GNAL: variants seen among roughly 807,000 people sequenced by gnomAD.
GNAL encodes guanine nucleotide-binding protein G(olf) subunit alpha.
In GNAL, 18 loss-of-function variants were observed where a neutral mutation model predicts 55.1. That is an observed-to-expected ratio of 0.33 (90% CI 0.23 to 0.48). GNAL has a LOEUF of 0.48. Among genes scored for constraint, GNAL ranks in the 20% least tolerant of loss-of-function variants. The probability of loss-of-function intolerance (pLI) is 0.99; values close to 1 mark genes in which losing one functional copy is unlikely to be tolerated. For synonymous variants in GNAL, 253 were observed against 237.0 expected, an observed-to-expected ratio of 1.07 and a Z score of -0.62; for missense variants, 412 against 614.1, an observed-to-expected ratio of 0.67 and a Z score of 3.48.
At chr18:11,805,893 G>C (rs1217975458) in intron 4 of GNAL, among the ~76,000 whole-genome samples, 1 of 152,160 alleles carries the variant, frequency 6.6e-6, no homozygotes, top group African/African-American at 2.4e-5. Flanking sequence ...TAGAATGGTA[G>C]TTCTATTTTT....
chr18:11,860,379 G>C (rs1015384722), intron 5 of GNAL, among the ~76,000 whole-genome samples: 8 of 152,190 alleles, frequency 5.3e-5, no homozygotes, highest in African/African-American at 1.7e-4. Context: ...AGATGTCCAA[G>C]GAAATTATGT....
At chr18:11,879,103 AATAAAAT>A (rs1347670144) in intron 11 of GNAL, among the ~76,000 whole-genome samples, 4 of 9,242 alleles carry the variant, frequency 4.3e-4, no homozygotes. Flanking sequence ...CTTACAGTAT[AATAAAAT>A]ATATATATAT....
At chr18:11,796,577 A>C (rs76706143) in intron 4 of GNAL, among the ~76,000 whole-genome samples, 5 of 143,714 alleles carry the variant, frequency 3.5e-5, no homozygotes, top group Admixed American at 3.4e-4. Context: ...CCTTCTCACA[A>C]AAAAAAAAAA....
At chr18:11,851,413 C>G in intron 5 of GNAL, 2 of 1,388,750 alleles carry the variant, frequency 1.4e-6, no homozygotes, top group Non-Finnish European at 1.9e-6. Flanking sequence ...GAAGTGGGAC[C>G]AAAACAAAGG....
At chr18:11,831,510 T>C (rs1386031980) in intron 5 of GNAL, among the ~76,000 whole-genome samples, 1 of 152,172 alleles carries the variant, frequency 6.6e-6, no homozygotes, top group African/African-American at 2.4e-5. Flanking sequence ...TGTGTTGTGC[T>C]GCTTGGCATG....
At position 11,881,349 on chromosome 18, in the gene GNAL, A is replaced by ATCT; in HGVS notation, c.*214_*215insTCT. The ATCT allele has an allele frequency of 2.2e-6, 1 of 446,512 alleles. No individual in the cohort carries two copies. Among genetic ancestry groups the ATCT allele is most frequent in the South Asian group, 4.6e-5 (1 of 21,892 alleles). 27.7% of individuals were successfully genotyped at this position (446,512 alleles called of 1,614,324 possible). On this transcript the variant is annotated 3_prime_UTR_variant, in exon 12 of 12. Coordinates refer to ENST00000334049, the MANE Select transcript of GNAL (RefSeq NM_182978.4). The surrounding 1 kb of genome is among the most constrained non-coding windows in gnomAD (Gnocchi z 4.8). ...CGGCCTCCCGCAGCATCCCACCCCC[A>ATCT]AACCACCGACTCTCATTGCCGACAC...
At chr18:11,742,753 C>A (rs769512212) in intron 1 of GNAL, among the ~76,000 whole-genome samples, 2 of 152,212 alleles carry the variant, frequency 1.3e-5, no homozygotes. Flanking sequence ...ACACCGGCCT[C>A]GGATGCCGCT....
At chr18:11,832,199 T>C (rs967025753) in intron 5 of GNAL, among the ~76,000 whole-genome samples, 1 of 152,232 alleles carries the variant, frequency 6.6e-6, no homozygotes, top group African/African-American at 2.4e-5. Flanking sequence ...AATCGGACTT[T>C]GCTTAATGGA....
At chr18:11,825,290 G>T (rs1017316155) in intron 5 of GNAL, among the ~76,000 whole-genome samples, 1 of 152,168 alleles carries the variant, frequency 6.6e-6, no homozygotes. Flanking sequence ...AGAGCTATAT[G>T]CATATTGGTA....
rs184672036 is a variant in GNAL, at chr18:11,775,211, T to C, written c.624+21266T>C. Among the ~76,000 whole-genome samples, 378 of 152,346 alleles carry C rather than the reference T, an allele frequency of 2.5e-3. 2 individuals carry two copies. The highest frequency in any genetic ancestry group is 3.9e-3 in the Non-Finnish European group (263 of 68,034). On this transcript the variant is annotated intron_variant, in intron 4 of 11. Coordinates refer to ENST00000334049, the MANE Select transcript of GNAL (RefSeq NM_182978.4). ...GGGGGGCCCTGATGAAAGCACTGTG[T>C]TCTGGCGAACTGAGAACCAACTGTG...
chr18:11,720,418 C>A (rs2032067936), intron 1 of GNAL, among the ~76,000 whole-genome samples: 1 of 152,148 alleles, frequency 6.6e-6, no homozygotes, highest in Non-Finnish European at 1.5e-5. Context: ...GTAAGTGCTC[C>A]CATTATCAAA....
intron 4 of GNAL, among the ~76,000 whole-genome samples, chr18:11,814,539 G>T (rs2034902684): frequency 6.6e-6 from 1 of 150,660 alleles, no homozygotes; most frequent in Admixed American, 6.6e-5. Flanking sequence ...GAAAAGAAAA[G>T]AAAAAGAAAA....
At chr18:11,792,279 G>A (rs563584745) in intron 4 of GNAL, among the ~76,000 whole-genome samples, 27 of 151,966 alleles carry the variant, frequency 1.8e-4, no homozygotes, top group African/African-American at 4.8e-4. Flanking sequence ...TCTACCTCCC[G>A]AGTTCAAGCA....
At chr18:11,735,549 G>C (rs538505514) in intron 1 of GNAL, among the ~76,000 whole-genome samples, 113 of 152,026 alleles carry the variant, frequency 7.4e-4, no homozygotes, top group African/African-American at 2.7e-3. Context: ...CCAGGAGTTC[G>C]AGATCAGCCT....
chr18:11,827,710 A>G (rs9963158), intron 5 of GNAL, among the ~76,000 whole-genome samples: 46,393 of 151,538 alleles, frequency 0.31, 8,471 homozygotes, highest in African/African-American at 0.51. Flanking sequence ...GGTGGCTCAC[A>G]CCTGTAATCC....
At chr18:11,847,083 T>G (rs2035757011) in intron 5 of GNAL, among the ~76,000 whole-genome samples, 1 of 151,782 alleles carries the variant, frequency 6.6e-6, no homozygotes, top group Non-Finnish European at 1.5e-5. Flanking sequence ...GGTCACCAAG[T>G]GAATATGTAT....
chr18:11,849,947 A>G (rs1266022448), intron 5 of GNAL, among the ~76,000 whole-genome samples: 1 of 152,216 alleles, frequency 6.6e-6, no homozygotes, highest in Non-Finnish European at 1.5e-5. Flanking sequence ...CAGGTGACCT[A>G]TACACACAGA....
chr18:11,706,820 C>G (rs60287669), intron 1 of GNAL, among the ~76,000 whole-genome samples: 3,349 of 152,256 alleles, frequency 0.022, 102 homozygotes, highest in African/African-American at 0.07. Flanking sequence ...ACTTTTAATT[C>G]TAGTTCTCTT....
chr18:11,845,667 G>A (rs1169353951), intron 5 of GNAL, among the ~76,000 whole-genome samples: 1 of 151,892 alleles, frequency 6.6e-6, no homozygotes, highest in Non-Finnish European at 1.5e-5. Flanking sequence ...GCCCAGTTGA[G>A]GCAGAGGTAG....
Sources: gnomAD v4.1 joint callset for allele counts (sites outside exome capture counted in the v4.1 genomes callset) on GRCh38, gnomAD v4.1.1 for gene constraint, Gnocchi (gnomAD v3.1) non-coding constraint, MANE v1.5 for transcripts, NCBI Gene and HGNC (gene_info 2026-07-23, HGNC 2026-07-21) for gene names.